The following IMMP2L variants were observed in gnomAD, a reference collection of about 807,000 sequenced individuals.
IMMP2L encodes mitochondrial inner membrane protease subunit 2.
In IMMP2L, 18 loss-of-function variants were observed where a neutral mutation model predicts 19.3. The observed-to-expected ratio is 0.93, with a 90% CI of 0.64 to 1.38. IMMP2L has a LOEUF of 1.38. IMMP2L is among the 40% of genes most tolerant of loss of function. IMMP2L has a pLI of 0.00. For synonymous variants in IMMP2L, 76 were observed against 73.0 expected, an observed-to-expected ratio of 1.04 and a Z score of -0.21; for missense variants, 233 against 218.2, an observed-to-expected ratio of 1.07 and a Z score of -0.43.
chr7:111,459,105 G>A (rs1321954598), intron 3 of IMMP2L, among the ~76,000 whole-genome samples: 1 of 152,018 alleles, frequency 6.6e-6, no homozygotes. Context: ...AATACAAACT[G>A]ATGAGTTCAC....
chr7:110,974,956 T>A (rs1292373446), intron 3 of IMMP2L, among the ~76,000 whole-genome samples: 1 of 152,158 alleles, frequency 6.6e-6, no homozygotes, highest in Non-Finnish European at 1.5e-5. Flanking sequence ...GTCCTTATAA[T>A]TCCAGTCTTT....
intron 3 of IMMP2L, among the ~76,000 whole-genome samples, chr7:111,264,972 G>C (rs2129963027): frequency 6.6e-6 from 1 of 152,178 alleles, no homozygotes; most frequent in South Asian, 2.1e-4. Flanking sequence ...TTTGTTACCT[G>C]CATCTTGCAA....
At chr7:111,086,236 G>A (rs551098088) in intron 3 of IMMP2L, among the ~76,000 whole-genome samples, 2 of 146,674 alleles carry the variant, frequency 1.4e-5, no homozygotes, top group Non-Finnish European at 3.0e-5. Flanking sequence ...AGCATAGAGA[G>A]ACCCCATCTC....
intron 3 of IMMP2L, among the ~76,000 whole-genome samples, chr7:111,161,623 G>C (rs575116182): frequency 6.6e-6 from 1 of 151,836 alleles, no homozygotes; most frequent in Non-Finnish European, 1.5e-5. Context: ...TCCTATCATG[G>C]TATATTCAAA....
intron 3 of IMMP2L, among the ~76,000 whole-genome samples, chr7:111,189,448 C>A (rs575754164): frequency 4.0e-5 from 6 of 151,178 alleles, no homozygotes; most frequent in Non-Finnish European, 8.8e-5. Context: ...AAGAACAGCA[C>A]TAATACTTAA....
At chr7:111,085,830 G>C (rs1385890896) in intron 3 of IMMP2L, among the ~76,000 whole-genome samples, 1 of 152,154 alleles carries the variant, frequency 6.6e-6, no homozygotes, top group Non-Finnish European at 1.5e-5. Flanking sequence ...GATCATGTCT[G>C]TTGCAGGGAC....
rs141916738 is a variant in IMMP2L at position 111,198,783 on chromosome 7, T to A, written c.240-235218A>T. On this transcript the variant is annotated intron_variant, in intron 3 of 5. Coordinates refer to ENST00000405709, the MANE Select transcript of IMMP2L (RefSeq NM_032549.4). ...ATTCTGGAACTCTGTTCTTCCATCATACTTATATCTGGCCTTAGAGTTATA... is the reference window on the plus strand; with the variant it reads ...ATTCTGGAACTCTGTTCTTCCATCAAACTTATATCTGGCCTTAGAGTTATA... Among the ~76,000 whole-genome samples, 505 of 152,316 alleles carry A rather than the reference T, an allele frequency of 3.3e-3. 3 individuals are homozygous for A. Among genetic ancestry groups the A allele is most frequent in the Non-Finnish European group, 5.3e-3 (359 of 68,020 alleles).
chr7:111,062,092 T>G (rs989322461), intron 3 of IMMP2L, among the ~76,000 whole-genome samples: 1 of 152,186 alleles, frequency 6.6e-6, no homozygotes. Context: ...AGAGCTCTTC[T>G]ATTTTGTACA....
intron 5 of IMMP2L, among the ~76,000 whole-genome samples, chr7:110,872,370 T>C (rs1369343442): frequency 2.0e-5 from 3 of 152,178 alleles, no homozygotes; most frequent in African/African-American, 7.2e-5. Flanking sequence ...TCTTTCTTGC[T>C]AGATATCACT....
At chr7:110,956,585 C>T (rs1818377381) in intron 4 of IMMP2L, among the ~76,000 whole-genome samples, 2 of 151,976 alleles carry the variant, frequency 1.3e-5, no homozygotes, top group Non-Finnish European at 1.5e-5. Context: ...ACATTAACTC[C>T]CTCATGTAAC....
At chr7:110,762,744 G>T (rs1562961190) in intron 5 of IMMP2L, among the ~76,000 whole-genome samples, 1 of 152,132 alleles carries the variant, frequency 6.6e-6, no homozygotes, top group East Asian at 1.9e-4. Flanking sequence ...TTGTATTTTG[G>T]ACACATGCCC....
chr7:111,189,591 T>G (rs947043902), intron 3 of IMMP2L, among the ~76,000 whole-genome samples: 6 of 152,024 alleles, frequency 3.9e-5, no homozygotes, highest in African/African-American at 1.4e-4. Flanking sequence ...TTGGTCCACA[T>G]TCTCCTAAAC....
intron 1 of IMMP2L, among the ~76,000 whole-genome samples, chr7:111,529,452 A>C (rs1376688321): frequency 1.3e-5 from 2 of 152,200 alleles, no homozygotes; most frequent in African/African-American, 4.8e-5. Flanking sequence ...AATATTTTAT[A>C]AACAGACACT....
chr7:111,485,589 C>G (rs1281393410), intron 3 of IMMP2L, among the ~76,000 whole-genome samples: 1 of 83,660 alleles, frequency 1.2e-5, no homozygotes, highest in African/African-American at 5.4e-5. Context: ...CAGAGCGAGA[C>G]TCTGTTTCAA....
chr7:110,839,530 C>T (rs951782941), intron 5 of IMMP2L, among the ~76,000 whole-genome samples: 1 of 151,908 alleles, frequency 6.6e-6, no homozygotes, highest in Non-Finnish European at 1.5e-5. Context: ...GTACCTTTAC[C>T]CCAAGCACTC....
rs370266360 is a variant in IMMP2L at position 111,330,602 on chromosome 7, G to C, written c.239+156636C>G. Among the ~76,000 whole-genome samples the C allele has an allele frequency of 1.6e-3, 250 of 151,672 alleles. 3 individuals carry two copies. The highest frequency in any genetic ancestry group is 5.7e-3 in the African/African-American group (236 of 41,478). On this transcript the variant is annotated intron_variant, in intron 3 of 5. Coordinates refer to ENST00000405709, the MANE Select transcript of IMMP2L (RefSeq NM_032549.4). ...AAGGAAAAATCCTCAGGGAATCCAG[G>C]CAAATGAATTCAAACAACATACACA... is the stretch of plus-strand genomic sequence containing the variant.
intron 2 of IMMP2L, among the ~76,000 whole-genome samples, chr7:111,499,632 T>C (rs537305798): frequency 3.7e-4 from 56 of 152,254 alleles, no homozygotes; most frequent in African/African-American, 1.3e-3. Context: ...GAAAAAAGCA[T>C]AGAAGTCACT....
intron 5 of IMMP2L, among the ~76,000 whole-genome samples, chr7:110,844,197 G>A (rs1008784393): frequency 6.6e-6 from 1 of 151,994 alleles, no homozygotes; most frequent in African/African-American, 2.4e-5. Context: ...CAGTTCCACT[G>A]AGGAGAAGAG....
At chr7:111,295,927 C>A (rs1304297894) in intron 3 of IMMP2L, among the ~76,000 whole-genome samples, 1 of 144,106 alleles carries the variant, frequency 6.9e-6, no homozygotes, top group African/African-American at 2.5e-5. Context: ...ACTTTCGGAA[C>A]ACATAGAAGA....
Sources: allele counts gnomAD v4.1 joint callset (sites outside exome capture counted in the v4.1 genomes callset), GRCh38; gene constraint gnomAD v4.1.1; transcripts MANE v1.5; gene names NCBI Gene and HGNC (gene_info 2026-07-23, HGNC 2026-07-21).